Variants in RTN4RL1 observed in about 807,000 individuals in gnomAD.
The protein encoded by RTN4RL1 is reticulon-4 receptor-like 1.
Under a neutral mutation model 25.6 loss-of-function variants are expected in RTN4RL1, and 7 were observed. The ratio of observed to expected loss-of-function variants is 0.27; its 90% CI spans 0.16 to 0.51. The LOEUF is 0.51. Among genes scored for constraint, RTN4RL1 ranks in the 20% least tolerant of loss-of-function variants. The probability of loss-of-function intolerance (pLI) is 0.97; values close to 1 mark genes in which losing one functional copy is unlikely to be tolerated. For synonymous variants in RTN4RL1, 297 were observed against 288.2 expected (o/e 1.03, Z -0.31); for missense variants, 500 against 615.6 (o/e 0.81, Z 1.99).
At chr17:1,961,235 G>A (rs919415162) in intron 1 of RTN4RL1, among the ~76,000 whole-genome samples, 1 of 152,172 alleles carries the variant, frequency 6.6e-6, no homozygotes, top group African/African-American at 2.4e-5. Flanking sequence ...CTGGGGAGGG[G>A]AGGAGTAACC....
chr17:1,945,111 C>A (rs1384103196), intron 1 of RTN4RL1, among the ~76,000 whole-genome samples: 1 of 152,284 alleles, frequency 6.6e-6, no homozygotes, highest in Admixed American at 6.5e-5. Flanking sequence ...CTGCCTGGAG[C>A]GCTTCCCAGG....
At position 1,937,098 on chromosome 17, in the gene RTN4RL1, C is replaced by T. The variant is rs1432516691; in HGVS notation, c.724G>A (p.Ala242Thr). The change falls in exon 2 of 2, where the codon GCC becomes ACC. Residue 242 changes from alanine (A) to threonine (T), a missense_variant. Physicochemically the swap from Ala to Thr is moderately conservative, Grantham distance 58 (BLOSUM62 0). Coordinates refer to ENST00000331238, the MANE Select transcript of RTN4RL1 (RefSeq NM_178568.4). ...AGGAACTCCAGGGCCCCCAGCGGGG[C>T]CAGGCACTCACCCTGCAGCTCCGAG... ...SLSELQGECL[A>T]PLGALEFLRL... 6.2e-7 allele frequency: 1 copy of T among 1,607,832 alleles called. No individual in the cohort carries two copies. The highest frequency in any genetic ancestry group is 8.5e-7 in the Non-Finnish European group (1 of 1,178,018).
At chr17:1,970,276 C>G (rs1156992975) in intron 1 of RTN4RL1, among the ~76,000 whole-genome samples, 2 of 152,154 alleles carry the variant, frequency 1.3e-5, no homozygotes, top group Admixed American at 6.5e-5. Context: ...CTGCGTCAGC[C>G]TCCCAAAGTG....
intron 1 of RTN4RL1, among the ~76,000 whole-genome samples, chr17:1,975,788 A>C (rs2151314752): frequency 6.6e-6 from 1 of 152,338 alleles, no homozygotes; most frequent in South Asian, 2.1e-4. Flanking sequence ...AGATTTACTG[A>C]ATCGAGAGCC....
At chr17:2,012,955 A>G (rs4790864) in intron 1 of RTN4RL1, among the ~76,000 whole-genome samples, 50,354 of 151,870 alleles carry the variant, frequency 0.33, 8,631 homozygotes, top group East Asian at 0.55. Context: ...CACCATGCCC[A>G]ACTAAATTTT....
At chr17:1,956,441 G>T (rs376703978) in intron 1 of RTN4RL1, among the ~76,000 whole-genome samples, 3 of 149,876 alleles carry the variant, frequency 2.0e-5, no homozygotes, top group Non-Finnish European at 2.9e-5. Flanking sequence ...GGGGCCTGGT[G>T]GGGGGGCGGG....
At chr17:2,012,559 T>G (rs564397127) in intron 1 of RTN4RL1, among the ~76,000 whole-genome samples, 1 of 152,174 alleles carries the variant, frequency 6.6e-6, no homozygotes, top group Non-Finnish European at 1.5e-5. Flanking sequence ...TGGTACTGTT[T>G]CTATTTTTTT....
At chr17:1,999,110 A>ACACACACACACACG (rs1177819844) in intron 1 of RTN4RL1, among the ~76,000 whole-genome samples, 1 of 149,256 alleles carries the variant, frequency 6.7e-6, no homozygotes. Context: ...ACACACACAC[A>ACACACACACACACG]CACACACGCT....
In RTN4RL1 at chr17:2,009,876, G is replaced by A. The variant is rs564490557; in HGVS notation, c.13+14977C>T. Among the ~76,000 whole-genome samples, 8 of 128,712 alleles carry A rather than the reference G, an allele frequency of 6.2e-5. 1 individual carries two copies. Among genetic ancestry groups the A allele is most frequent in the Admixed American group, 3.3e-4 (4 of 12,286 alleles). The allele number at this position is 128,712 out of a possible 152,430, so 84.4% of individuals were successfully genotyped here. A position where few individuals can be genotyped will look rare whatever the true frequency, so the allele number is the denominator to read the frequency against. ...GGCCACAACACAGAATGCCGGCCCT[G>A]TCCACAGCCCCAGCCACGGAGACAG... On this transcript the variant is annotated intron_variant, in intron 1 of 1. Coordinates refer to ENST00000331238, the MANE Select transcript of RTN4RL1 (RefSeq NM_178568.4).
At position 2,024,775 on chromosome 17, in the gene RTN4RL1, G is replaced by A. The variant is rs1484911449; in HGVS notation, c.13+78C>T. The A allele has an allele frequency of 4.8e-5, 71 of 1,464,426 alleles. No individual in the cohort carries two copies. In the East Asian group the frequency reaches 1.7e-3, roughly 36 times the overall value. 90.7% of individuals were successfully genotyped at this position (1,464,426 alleles called of 1,614,324 possible). A position where few individuals can be genotyped will look rare whatever the true frequency, so the allele number is the denominator to read the frequency against. On this transcript the variant is annotated intron_variant, in intron 1 of 1. Transcript: ENST00000331238. The stretch of plus-strand genomic sequence containing the variant: ...GGCTACTTCCCAGACCGGGAGCCCC[G>A]GCGCCGGGCGGCGCCCGGGCTCGCG...
intron 1 of RTN4RL1, among the ~76,000 whole-genome samples, chr17:2,002,362 G>C (rs567663353): frequency 6.7e-6 from 1 of 149,250 alleles, no homozygotes; most frequent in Non-Finnish European, 1.5e-5. Context: ...GCGCGATCTC[G>C]GCTCACTGCA....
intron 1 of RTN4RL1, among the ~76,000 whole-genome samples, chr17:1,939,154 C>T (rs968155176): frequency 5.3e-5 from 8 of 152,080 alleles, no homozygotes; most frequent in African/African-American, 1.2e-4. Flanking sequence ...AGATCGAGAC[C>T]ATCCTGGCTA....
intron 1 of RTN4RL1, among the ~76,000 whole-genome samples, chr17:1,939,735 C>T (rs879570668): frequency 2.1e-4 from 32 of 152,218 alleles, no homozygotes; most frequent in Admixed American, 1.2e-3. Flanking sequence ...ACCCTCATTA[C>T]GGACGATCGT....
chr17:1,998,368 C>A lies in RTN4RL1; in HGVS notation c.13+26485G>T, dbSNP rs1352334281. Among the ~76,000 whole-genome samples, 1 of 152,128 alleles carries A rather than the reference C, an allele frequency of 6.6e-6. No homozygotes were observed. Among genetic ancestry groups the A allele is most frequent in the Non-Finnish European group, 1.5e-5 (1 of 68,002 alleles). On this transcript the variant is annotated intron_variant, in intron 1 of 1. Transcript: ENST00000331238. The surrounding 1 kb of genome is among the most constrained non-coding windows in gnomAD (Gnocchi z 4.9). ...TCTTCTCGCTCTAGAGCCGGGGGCC[C>A]GCGCTGAGAGATCGGGGTTACCGCG...
At chr17:1,976,620 C>A (rs942771496) in intron 1 of RTN4RL1, among the ~76,000 whole-genome samples, 2 of 152,146 alleles carry the variant, frequency 1.3e-5, no homozygotes, top group Admixed American at 1.3e-4. Context: ...TGTTGGGAGG[C>A]CGTGCAGTTT....
intron 1 of RTN4RL1, among the ~76,000 whole-genome samples, chr17:2,005,538 T>C (rs766175963): frequency 3.9e-5 from 6 of 152,244 alleles, no homozygotes; most frequent in Non-Finnish European, 5.9e-5. Context: ...GAAGCTTCCA[T>C]TGAGAAAGGA....
chr17:1,940,352 G>A (rs62067546), intron 1 of RTN4RL1, among the ~76,000 whole-genome samples: 6,367 of 152,300 alleles, frequency 0.042, 209 homozygotes, highest in Non-Finnish European at 0.063. Flanking sequence ...CGTGCTCTCT[G>A]TGCTCTCTGC....
At chr17:1,956,296 C>A (rs1005804819) in intron 1 of RTN4RL1, among the ~76,000 whole-genome samples, 1 of 152,132 alleles carries the variant, frequency 6.6e-6, no homozygotes, top group Non-Finnish European at 1.5e-5. Context: ...CTAACGCGTA[C>A]GGCGAAAGAT....
intron 1 of RTN4RL1, among the ~76,000 whole-genome samples, chr17:2,010,145 C>T (rs2067032819): frequency 7.9e-6 from 1 of 127,108 alleles, no homozygotes; most frequent in Non-Finnish European, 1.6e-5. Flanking sequence ...CTTCAAAGCA[C>T]TTACCCCACC....
Sources: gnomAD v4.1 joint callset for allele counts (sites outside exome capture counted in the v4.1 genomes callset) on GRCh38, gnomAD v4.1.1 for gene constraint, Gnocchi (gnomAD v3.1) non-coding constraint, MANE v1.5 for transcripts, NCBI Gene and HGNC (gene_info 2026-07-23, HGNC 2026-07-21) for gene names.